Variants in EDIL3 observed in about 807,000 individuals in gnomAD.
EDIL3 encodes EGF-like repeat and discoidin I-like domain-containing protein 3.
EDIL3 carries 37 observed loss-of-function variants against 67.4 expected under a neutral mutation model. The observed-to-expected ratio is 0.55, with a 90% confidence interval of 0.42 to 0.72. The LOEUF (loss-of-function observed/expected upper bound fraction) is 0.72, where lower values mean the gene tolerates loss of function less well. Among genes scored for constraint, EDIL3 ranks in the 30% least tolerant of loss-of-function variants. EDIL3 has a pLI of 0.00. For missense variants in EDIL3, 527 were observed against 586.3 expected (o/e 0.90, Z 1.04); for synonymous variants, 195 against 196.3 (o/e 0.99, Z 0.05).
At chr5:84,289,162 CAAAT>C (rs976484026) in intron 1 of EDIL3, among the ~76,000 whole-genome samples, 9 of 152,054 alleles carry the variant, frequency 5.9e-5, no homozygotes, top group African/African-American at 4.8e-5. Flanking sequence ...AACAAACAAA[CAAAT>C]AAATAAGTAG....
At chr5:84,363,015 T>C (rs1747646637) in intron 1 of EDIL3, among the ~76,000 whole-genome samples, 3 of 152,200 alleles carry the variant, frequency 2.0e-5, no homozygotes, top group African/African-American at 7.2e-5. Flanking sequence ...GCAATGAGTA[T>C]GTAACCTATA....
intron 3 of EDIL3, among the ~76,000 whole-genome samples, chr5:84,220,055 G>A (rs975025596): frequency 6.6e-6 from 1 of 152,056 alleles, no homozygotes; most frequent in African/African-American, 2.4e-5. Flanking sequence ...TAGCACAGCA[G>A]GGTAACTGCA....
At chr5:84,113,160 A>G (rs1459459542) in intron 5 of EDIL3, among the ~76,000 whole-genome samples, 2 of 152,178 alleles carry the variant, frequency 1.3e-5, no homozygotes, top group African/African-American at 4.8e-5. Flanking sequence ...CATAGTGGCA[A>G]TTCGATCAAT....
intron 1 of EDIL3, among the ~76,000 whole-genome samples, chr5:84,314,550 C>T (rs945174887): frequency 5.3e-5 from 8 of 152,142 alleles, no homozygotes; most frequent in African/African-American, 1.9e-4. Flanking sequence ...TCCTAGATTT[C>T]ATAAATTTCA....
At chr5:83,973,750 T>C (rs1744829398) in intron 9 of EDIL3, among the ~76,000 whole-genome samples, 1 of 152,108 alleles carries the variant, frequency 6.6e-6, no homozygotes, top group South Asian at 2.1e-4. Flanking sequence ...TGTGTCAATA[T>C]GTAGAACTAC....
chr5:84,295,675 C>T (rs1746036074), intron 1 of EDIL3, among the ~76,000 whole-genome samples: 1 of 151,994 alleles, frequency 6.6e-6, no homozygotes, highest in Non-Finnish European at 1.5e-5. Flanking sequence ...AACATAACTA[C>T]AAGATTTTCC....
chr5:84,142,323 G>A (rs970434852), intron 4 of EDIL3, among the ~76,000 whole-genome samples: 3 of 151,902 alleles, frequency 2.0e-5, no homozygotes, highest in Admixed American at 6.6e-5. Flanking sequence ...TACAGATTCC[G>A]CTAGTTGGCC....
At chr5:84,259,890 T>C (rs1205601822) in intron 1 of EDIL3, among the ~76,000 whole-genome samples, 3 of 152,128 alleles carry the variant, frequency 2.0e-5, no homozygotes, top group Admixed American at 2.0e-4. Context: ...AAGCCTAAAA[T>C]AGGTACCTTT....
intron 5 of EDIL3, among the ~76,000 whole-genome samples, chr5:84,136,501 C>A (rs942001152): frequency 5.9e-5 from 9 of 151,702 alleles, no homozygotes; most frequent in South Asian, 2.1e-4. Flanking sequence ...GTAAGTGGTG[C>A]TTTCTGCCTC....
intron 4 of EDIL3, 24 bp from the exon 5 acceptor site, chr5:84,137,378 G>C (rs766356648): frequency 3.9e-5 from 62 of 1,583,960 alleles, no homozygotes; most frequent in Non-Finnish European, 5.1e-5. Context: ...AAAGGACAGA[G>C]GAAGAGAATT....
At chr5:84,347,509 T>C (rs1271730219) in intron 1 of EDIL3, among the ~76,000 whole-genome samples, 1 of 152,194 alleles carries the variant, frequency 6.6e-6, no homozygotes, top group African/African-American at 2.4e-5. Flanking sequence ...AACATAAATA[T>C]ACGTAACTAT....
intron 2 of EDIL3, among the ~76,000 whole-genome samples, chr5:84,246,591 A>G (rs1245681854): frequency 1.3e-5 from 2 of 152,248 alleles, no homozygotes; most frequent in African/African-American, 4.8e-5. Context: ...AAGAAAGGAC[A>G]GTGGTTTAAA....
chr5:84,171,577 T>C (rs567963897), intron 4 of EDIL3, among the ~76,000 whole-genome samples: 5 of 152,348 alleles, frequency 3.3e-5, no homozygotes, highest in African/African-American at 1.2e-4. Flanking sequence ...ATTTTGGGGT[T>C]CTTGTTATAA....
At chr5:84,047,311 T>C (rs1163434799) in intron 9 of EDIL3, among the ~76,000 whole-genome samples, 1 of 152,152 alleles carries the variant, frequency 6.6e-6, no homozygotes, top group Non-Finnish European at 1.5e-5. Context: ...ACTTACTATA[T>C]CTTACTTCCT....
At chr5:84,044,718 G>T (rs926164338) in intron 9 of EDIL3, among the ~76,000 whole-genome samples, 9 of 152,106 alleles carry the variant, frequency 5.9e-5, no homozygotes, top group Non-Finnish European at 1.3e-4. Flanking sequence ...CTCTGCGGGC[G>T]GTAGAAAGCC....
rs1403854187 is a variant in EDIL3, at chr5:84,384,704, T to C, written c.-330A>G. The C allele has an allele frequency of 3.0e-5, 5 of 165,356 alleles. No individual in the cohort carries two copies. In the East Asian group the frequency reaches 8.6e-4, roughly 29 times the overall value. 10.2% of individuals were successfully genotyped at this position (165,356 alleles called of 1,614,324 possible). A position where few individuals can be genotyped will look rare whatever the true frequency, so the allele number is the denominator to read the frequency against. ...CGCGGGCTCCCGCGGCCGCCCCGGG[T>C]CTGCTGCGCGGGCAGGCAGACCCAC... On this transcript the variant is annotated 5_prime_UTR_variant, in exon 1 of 11. Transcript: ENST00000296591.
intron 4 of EDIL3, among the ~76,000 whole-genome samples, chr5:84,179,311 G>GA (rs1181538967): frequency 2.0e-5 from 3 of 152,142 alleles, no homozygotes; most frequent in African/African-American, 7.2e-5. Context: ...CCCAACCTGA[G>GA]AAAAATCAAT....
chr5:84,209,067 C>T lies in EDIL3; in HGVS notation c.226+20788G>A, dbSNP rs375348867. ...GCCATAAAAAATGATGAGCTCATGT[C>T]CTTTGTAGGGACATGGATGAAATTG... is the stretch of plus-strand genomic sequence containing the variant. On this transcript the variant is annotated intron_variant, in intron 3 of 10. Coordinates refer to ENST00000296591, the MANE Select transcript of EDIL3 (RefSeq NM_005711.5). Among the ~76,000 whole-genome samples, 29 of 152,238 alleles carry T rather than the reference C, an allele frequency of 1.9e-4. No homozygotes were observed. The East Asian group carries it at 3.1e-3, about 16-fold the overall frequency.
chr5:84,267,643 T>C (rs1039694529), intron 1 of EDIL3, among the ~76,000 whole-genome samples: 1 of 152,148 alleles, frequency 6.6e-6, no homozygotes, highest in Non-Finnish European at 1.5e-5. Context: ...TCTTGGACAG[T>C]AGTTGTTTCA....
Sources: allele counts gnomAD v4.1 joint callset (sites outside exome capture counted in the v4.1 genomes callset), GRCh38; gene constraint gnomAD v4.1.1; transcripts MANE v1.5; gene names NCBI Gene and HGNC (gene_info 2026-07-23, HGNC 2026-07-21).